FSTL4: variants seen among roughly 807,000 people sequenced by gnomAD.
The protein encoded by FSTL4 is follistatin like 4, also known as follistatin-related protein 4.
Under a neutral mutation model 78.2 loss-of-function variants are expected in FSTL4, and 28 were observed. The observed-to-expected ratio is 0.36, with a 90% CI of 0.27 to 0.49. FSTL4 has a LOEUF of 0.49. FSTL4 is among the 20% of genes least tolerant of loss of function. FSTL4 has a pLI of 0.98. For missense variants in FSTL4, 922 were observed against 1,084.9 expected (o/e 0.85, Z 2.11); for synonymous variants, 422 against 440.5 (o/e 0.96, Z 0.53).
chr5:133,312,436 T>C, intron 6 of FSTL4: 3 of 569,006 alleles, frequency 5.3e-6, no homozygotes, highest in Non-Finnish European at 6.2e-6. Context: ...GAAAAATCTT[T>C]ATTAAAAAGG....
At position 133,199,576 on chromosome 5, in the gene FSTL4, C is replaced by A. The variant is rs748386748; in HGVS notation, c.2048G>T (p.Gly683Val). The A allele has an allele frequency of 5.6e-6, 9 of 1,614,062 alleles. No homozygotes were observed. In the South Asian group the frequency reaches 9.9e-5, roughly 18 times the overall value. Residue 683 changes from glycine to valine, a missense_variant, in exon 16 of 16, where the codon GGC becomes GTC. Gly to Val is a moderately radical substitution (Grantham distance 109). Coordinates refer to ENST00000265342, the MANE Select transcript of FSTL4 (RefSeq NM_015082.2). This position sits in a 1 kb window ranked among gnomAD's most constrained non-coding sequence, Gnocchi z 4.4. ...LVDSVTDSVL[G>V]PNGDVTGTPH... ...GGTGCCTGTTACATCACCATTGGGG[C>A]CAAGCACAGAGTCTGTGACACTGTC...
At chr5:133,602,477 T>C (rs924504173) in intron 2 of FSTL4, among the ~76,000 whole-genome samples, 1 of 152,242 alleles carries the variant, frequency 6.6e-6, no homozygotes, top group African/African-American at 2.4e-5. Context: ...AGTGGGCCGA[T>C]GAGCCCCAAT....
chr5:133,624,798 A>G, the FSTL4 span, among the ~76,000 whole-genome samples: 2 of 151,538 alleles, frequency 1.3e-5, no homozygotes, highest in Admixed American at 6.6e-5. Flanking sequence ...ATCTTTCTGT[A>G]TAAATTTTAT....
At chr5:133,434,102 G>T (rs573679194) in intron 3 of FSTL4, among the ~76,000 whole-genome samples, 1 of 152,154 alleles carries the variant, frequency 6.6e-6, no homozygotes, top group Non-Finnish European at 1.5e-5. Context: ...AAAGGGGAGG[G>T]AGGGAGACCA....
chr5:133,633,286 A>G, the FSTL4 span, among the ~76,000 whole-genome samples: 2 of 152,116 alleles, frequency 1.3e-5, no homozygotes, highest in Admixed American at 6.5e-5. Flanking sequence ...TAGGTCCCAC[A>G]GGTTCCTGAG....
chr5:133,579,459 C>T (rs557518029), intron 2 of FSTL4, among the ~76,000 whole-genome samples: 2 of 152,272 alleles, frequency 1.3e-5, no homozygotes, highest in East Asian at 1.9e-4. Flanking sequence ...AGCTGTCGAT[C>T]GAACAAGCTT....
rs1751069117 is a variant in FSTL4, at chr5:133,220,752, C to T, written c.1454G>A (p.Ser485Asn). The change falls in exon 12 of 16, where the codon AGC (serine) becomes AAC (asparagine). Residue 485 changes from serine (S) to asparagine (N), a missense_variant. Coordinates refer to ENST00000265342, the MANE Select transcript of FSTL4 (RefSeq NM_015082.2). ...GCCCCAGGCACAGTTACTTACATAG[C>T]TCATGAAAATCTTTTCCGTGGGTTT... ...HLKPTEKIFM[S>N]YEEICPQREK... The T allele has an allele frequency of 6.5e-7, 1 of 1,533,988 alleles. No homozygotes were observed. The highest frequency in any genetic ancestry group is 9.0e-7 in the Non-Finnish European group (1 of 1,106,786).
chr5:133,606,892 G>A (rs1044247486), intron 1 of FSTL4, among the ~76,000 whole-genome samples: 5 of 152,214 alleles, frequency 3.3e-5, no homozygotes, highest in Non-Finnish European at 1.5e-5. Flanking sequence ...CATTTCAACT[G>A]TGATTTTGGC....
chr5:133,784,993 C>T, the FSTL4 span, among the ~76,000 whole-genome samples: 1 of 151,986 alleles, frequency 6.6e-6, no homozygotes, highest in Admixed American at 6.6e-5. Flanking sequence ...GAATAGAGAC[C>T]CCAAGGGAAT....
chr5:133,331,243 G>C (rs1313258871), intron 4 of FSTL4, among the ~76,000 whole-genome samples: 2 of 152,312 alleles, frequency 1.3e-5, no homozygotes, highest in African/African-American at 4.8e-5. Context: ...ATAACAGGTG[G>C]GGAGACTGGG....
chr5:133,728,863 A>C, the FSTL4 span, among the ~76,000 whole-genome samples: 1 of 152,196 alleles, frequency 6.6e-6, no homozygotes, highest in Non-Finnish European at 1.5e-5. Flanking sequence ...AAAGAAAAGG[A>C]AAAAGAAAAG....
chr5:133,352,273 TATATATACACACATATATATACACACAC>T (rs1754842110), intron 4 of FSTL4, among the ~76,000 whole-genome samples: 1 of 137,778 alleles, frequency 7.3e-6, no homozygotes, highest in African/African-American at 2.8e-5. Flanking sequence ...TACACACATA[TATATATACACACATATATATACACACAC>T]ATATATATAT....
chr5:133,557,722 G>A (rs1186884855), intron 3 of FSTL4, among the ~76,000 whole-genome samples: 4 of 152,168 alleles, frequency 2.6e-5, no homozygotes. Flanking sequence ...AAAATGGAGG[G>A]AGAAGCCAGG....
chr5:133,427,397 G>A (rs149035625), intron 3 of FSTL4, among the ~76,000 whole-genome samples: 2 of 152,294 alleles, frequency 1.3e-5, no homozygotes, highest in East Asian at 1.9e-4. Context: ...AGATATAAGA[G>A]TCCACTTCCG....
chr5:133,522,518 T>C (rs1759001282), intron 3 of FSTL4, among the ~76,000 whole-genome samples: 1 of 152,388 alleles, frequency 6.6e-6, no homozygotes, highest in East Asian at 1.9e-4. Context: ...TCTCCAGCTT[T>C]CTCACATTCT....
At chr5:133,330,128 C>G (rs560504277) in intron 4 of FSTL4, among the ~76,000 whole-genome samples, 6 of 152,324 alleles carry the variant, frequency 3.9e-5, no homozygotes, top group Admixed American at 3.9e-4. Context: ...CGTGTAGGTG[C>G]TGACATCTGG....
At chr5:133,542,667 A>T (rs919865413) in intron 3 of FSTL4, among the ~76,000 whole-genome samples, 5 of 152,302 alleles carry the variant, frequency 3.3e-5, no homozygotes, top group African/African-American at 1.2e-4. Context: ...ATTTCTACTG[A>T]AGTGAGTTTG....
chr5:133,681,913 A>G, the FSTL4 span, among the ~76,000 whole-genome samples: 1 of 152,162 alleles, frequency 6.6e-6, no homozygotes, highest in Non-Finnish European at 1.5e-5. Context: ...CGGAGGATGC[A>G]ACCACCAAGC....
At chr5:133,257,783 C>A (rs1752418657) in intron 6 of FSTL4, among the ~76,000 whole-genome samples, 1 of 152,130 alleles carries the variant, frequency 6.6e-6, no homozygotes, top group Non-Finnish European at 1.5e-5. Context: ...TGTGGGGTAG[C>A]CTTGGTCAGC....
Sources: gnomAD v4.1 joint callset for allele counts (sites outside exome capture counted in the v4.1 genomes callset) on GRCh38, gnomAD v4.1.1 for gene constraint, Gnocchi (gnomAD v3.1) non-coding constraint, MANE v1.5 for transcripts, NCBI Gene and HGNC (gene_info 2026-07-23, HGNC 2026-07-21) for gene names.